ZNF385D: variants seen among roughly 807,000 people sequenced by gnomAD.
The protein encoded by ZNF385D is zinc finger protein 659.
ZNF385D carries 15 observed loss-of-function variants against 35.8 expected under a neutral mutation model. The ratio of observed to expected loss-of-function variants is 0.42; its 90% confidence interval spans 0.28 to 0.64. The LOEUF (loss-of-function observed/expected upper bound fraction) is 0.64. Among genes scored for constraint, ZNF385D ranks in the 30% least tolerant of loss-of-function variants. ZNF385D has a pLI of 0.23. For synonymous variants in ZNF385D, 212 were observed against 186.8 expected, an observed-to-expected ratio of 1.13 and a Z score of -1.10; for missense variants, 474 against 494.6, an observed-to-expected ratio of 0.96 and a Z score of 0.39.
chr3:21,756,067 C>T (rs1205392018), upstream of ZNF385D, among the ~76,000 whole-genome samples: 2 of 152,236 alleles, frequency 1.3e-5, no homozygotes, highest in South Asian at 2.1e-4. Context: ...TTTGGAGCAA[C>T]GTGATTTGAC....
intron 3 of ZNF385D, among the ~76,000 whole-genome samples, chr3:21,950,612 G>A (rs972231200): frequency 9.9e-5 from 15 of 151,704 alleles, no homozygotes; most frequent in African/African-American, 3.7e-4. Context: ...TAGTCATGAA[G>A]TCTTTGCCCA....
At chr3:21,565,304 T>TTATC (rs1273535690) in intron 2 of ZNF385D, among the ~76,000 whole-genome samples, 2 of 152,130 alleles carry the variant, frequency 1.3e-5, no homozygotes, top group African/African-American at 4.8e-5. Context: ...CAGATACCAG[T>TTATC]TATCTCCCTC....
At chr3:21,837,110 C>A (rs779494204) in intron 3 of ZNF385D, among the ~76,000 whole-genome samples, 2 of 152,096 alleles carry the variant, frequency 1.3e-5, no homozygotes, top group African/African-American at 2.4e-5. Context: ...ATTGGAGTGA[C>A]AGAAACAAAG....
chr3:21,542,319 G>A (rs1054771811), intron 3 of ZNF385D, among the ~76,000 whole-genome samples: 7 of 148,202 alleles, frequency 4.7e-5, no homozygotes, highest in Non-Finnish European at 8.9e-5. Flanking sequence ...AACCATCTTA[G>A]AGATTCCTGG....
intron 3 of ZNF385D, among the ~76,000 whole-genome samples, chr3:21,922,674 C>G (rs1179458830): frequency 6.6e-6 from 1 of 152,248 alleles, no homozygotes; most frequent in Non-Finnish European, 1.5e-5. Context: ...AGACCTCAAA[C>G]CATAAGAATC....
At chr3:22,066,012 C>CA (rs1324396934) in intron 3 of ZNF385D, among the ~76,000 whole-genome samples, 1 of 151,864 alleles carries the variant, frequency 6.6e-6, no homozygotes, top group African/African-American at 2.4e-5. Context: ...TGAAAATTAT[C>CA]AAAAAATAAG....
chr3:21,771,146 G>C (rs888613070), intron 3 of ZNF385D, among the ~76,000 whole-genome samples: 1 of 151,464 alleles, frequency 6.6e-6, no homozygotes, highest in South Asian at 2.1e-4. Context: ...TGTAAATGAC[G>C]AGTTAATGGG....
At chr3:21,600,832 C>T (rs2064265629) in intron 2 of ZNF385D, among the ~76,000 whole-genome samples, 1 of 151,366 alleles carries the variant, frequency 6.6e-6, no homozygotes, top group Non-Finnish European at 1.5e-5. Flanking sequence ...AGAGTATATA[C>T]ATAAAAATAG....
At chr3:21,935,747 A>AACAT (rs1701227600) in intron 3 of ZNF385D, among the ~76,000 whole-genome samples, 1 of 151,716 alleles carries the variant, frequency 6.6e-6, no homozygotes, top group African/African-American at 2.4e-5. Context: ...GAGTAGATAC[A>AACAT]ACACTGGACT....
chr3:22,124,600 T>C (rs1336550838), intron 3 of ZNF385D, among the ~76,000 whole-genome samples: 1 of 152,170 alleles, frequency 6.6e-6, no homozygotes, highest in Non-Finnish European at 1.5e-5. Context: ...GCTCATCTTT[T>C]GGATAAAAGC....
intron 3 of ZNF385D, among the ~76,000 whole-genome samples, chr3:21,811,951 G>A (rs116458264): frequency 0.02 from 3,051 of 152,168 alleles, 96 homozygotes; most frequent in African/African-American, 0.068. Flanking sequence ...GACATTTTGT[G>A]CCTTCAAAAT....
At chr3:22,230,669 A>C (rs1698832489) in intron 2 of ZNF385D, among the ~76,000 whole-genome samples, 2 of 152,182 alleles carry the variant, frequency 1.3e-5, no homozygotes, top group African/African-American at 2.4e-5. Flanking sequence ...TGAGGGAATC[A>C]CTTAGAGTAC....
intron 1 of ZNF385D, among the ~76,000 whole-genome samples, chr3:21,714,347 C>A (rs1371749948): frequency 6.6e-6 from 1 of 152,074 alleles, no homozygotes. Flanking sequence ...ATGAAACCTC[C>A]AACACCTCTT....
chr3:21,817,119 C>T (rs1345612251), intron 3 of ZNF385D, among the ~76,000 whole-genome samples: 2 of 152,142 alleles, frequency 1.3e-5, no homozygotes, highest in African/African-American at 4.8e-5. Flanking sequence ...GCTGGGAAAA[C>T]TGGCTAGCCA....
In ZNF385D at chr3:22,027,989, A is replaced by G. The variant is rs569540410; in HGVS notation, c.325+140828T>C. 8.4e-4 allele frequency among the ~76,000 whole-genome samples: 128 copies of G among 152,276 alleles called. 1 individual carries two copies. The highest frequency in any genetic ancestry group is 2.9e-3 in the African/African-American group (120 of 41,548). ...GATAGCAGTGAAGTGAAATCTTCCC[A>G]GTGGGCAGAACTTCGAGCAGTGCAC... On this transcript the variant is annotated intron_variant, in intron 3 of 5. Transcript: ENST00000494108.
chr3:21,749,327 CT>C, intron 1 of ZNF385D, among the ~76,000 whole-genome samples: 1 of 152,282 alleles, frequency 6.6e-6, no homozygotes, highest in Non-Finnish European at 1.5e-5. Context: ...CATGGATGGC[CT>C]TTGACCAGTA....
At chr3:22,364,410 C>T (rs1415240248) in intron 2 of ZNF385D, among the ~76,000 whole-genome samples, 1 of 151,962 alleles carries the variant, frequency 6.6e-6, no homozygotes, top group African/African-American at 2.4e-5. Flanking sequence ...AATGCAACAA[C>T]AAAGCAACCT....
At chr3:22,214,269 TCTTTA>T (rs1296939509) in intron 2 of ZNF385D, among the ~76,000 whole-genome samples, 3 of 152,252 alleles carry the variant, frequency 2.0e-5, no homozygotes, top group African/African-American at 7.2e-5. Context: ...CCTATGCCTG[TCTTTA>T]CTTTAATCTT....
At chr3:22,324,371 T>C (rs1260722349) in intron 2 of ZNF385D, among the ~76,000 whole-genome samples, 1 of 152,166 alleles carries the variant, frequency 6.6e-6, no homozygotes, top group African/African-American at 2.4e-5. Flanking sequence ...TAGTAAGATA[T>C]TTCAGCAAGG....
Sources: allele counts gnomAD v4.1 joint callset (sites outside exome capture counted in the v4.1 genomes callset), GRCh38; gene constraint gnomAD v4.1.1; transcripts MANE v1.5; gene names NCBI Gene and HGNC (gene_info 2026-07-23, HGNC 2026-07-21).